The following DPP4 variants were observed in gnomAD, a reference collection of about 807,000 sequenced individuals.
The protein encoded by DPP4 is ADCP-2.
In DPP4, 93 loss-of-function variants were observed where a neutral mutation model predicts 122.4. The observed-to-expected ratio is 0.76, with a 90% CI of 0.64 to 0.90. DPP4 has a LOEUF of 0.90. Among genes scored for constraint, DPP4 ranks in the 40% least tolerant of loss-of-function variants. The pLI is 0.00. For missense variants in DPP4, 914 were observed against 907.3 expected (o/e 1.01, Z -0.09); for synonymous variants, 321 against 302.9 (o/e 1.06, Z -0.62).
chr2:162,001,254 GATGACTTGCC>G (rs1289556197), intron 23 of DPP4, among the ~76,000 whole-genome samples: 1 of 152,192 alleles, frequency 6.6e-6, no homozygotes, highest in East Asian at 1.9e-4. Flanking sequence ...AGCTTAGAAT[GATGACTTGCC>G]ATAGAAGCAC....
intron 23 of DPP4, among the ~76,000 whole-genome samples, chr2:162,004,674 G>A (rs1477794794): frequency 1.3e-5 from 2 of 152,142 alleles, no homozygotes; most frequent in Admixed American, 1.3e-4. Context: ...GTCTATACTT[G>A]TCTTGCAAAA....
At chr2:162,027,580 T>C (rs1363222137) in intron 10 of DPP4, among the ~76,000 whole-genome samples, 3 of 152,100 alleles carry the variant, frequency 2.0e-5, no homozygotes, top group African/African-American at 7.2e-5. Flanking sequence ...TCCATGGGCA[T>C]AGATTAGGAA....
chr2:162,032,882 A>C (rs1683606849), intron 10 of DPP4, among the ~76,000 whole-genome samples: 1 of 152,286 alleles, frequency 6.6e-6, no homozygotes, highest in African/African-American at 2.4e-5. Context: ...CAGGAAGTGA[A>C]GTCTTGGAGC....
rs201721083 is a variant in DPP4, at chr2:162,022,715, G to A, written c.1068+40C>T. On this transcript the variant is annotated intron_variant, in intron 12 of 25. Coordinates refer to ENST00000360534, the MANE Select transcript of DPP4 (RefSeq NM_001935.4). ...TAGCTGCATATCAAATAGCTGAGTA[G>A]CTGACTCATCCATAAAACCCCACAA... 3.7e-5 allele frequency: 60 copies of A among 1,600,138 alleles called. No homozygotes were observed. The African/African-American group carries it at 7.2e-4, about 19-fold the overall frequency.
intron 18 of DPP4, among the ~76,000 whole-genome samples, chr2:162,016,229 T>G (rs1354113990): frequency 1.3e-5 from 2 of 152,278 alleles, no homozygotes; most frequent in Non-Finnish European, 2.9e-5. Context: ...AATAACAAGA[T>G]TTTCTACTCA....
At chr2:162,011,605 A>G (rs976951354) in intron 20 of DPP4, among the ~76,000 whole-genome samples, 188 bp downstream of exon 20, 3 of 152,060 alleles carry the variant, frequency 2.0e-5, no homozygotes, top group Non-Finnish European at 4.4e-5. Context: ...TTTGAACTTC[A>G]TATCAATCTA....
At chr2:162,048,652 C>T (rs1330262853) in intron 2 of DPP4, among the ~76,000 whole-genome samples, 1 of 152,178 alleles carries the variant, frequency 6.6e-6, no homozygotes, top group Admixed American at 6.5e-5. Flanking sequence ...GCAGTGTCTT[C>T]CCTGCTTTCC....
intron 5 of DPP4, among the ~76,000 whole-genome samples, chr2:162,045,194 A>AAAG (rs921473217): frequency 5.0e-4 from 76 of 152,136 alleles, no homozygotes; most frequent in African/African-American, 1.8e-3. Context: ...CAAAGGAAAT[A>AAAG]AAGGGTTCTG....
chr2:162,006,174 TG>T (rs1055768427), intron 22 of DPP4, among the ~76,000 whole-genome samples: 2 of 152,180 alleles, frequency 1.3e-5, no homozygotes, highest in African/African-American at 4.8e-5. Context: ...AAGTCAAATG[TG>T]AAGTGCTAAG....
intron 2 of DPP4, among the ~76,000 whole-genome samples, chr2:162,071,393 C>T (rs1377432946): frequency 1.3e-5 from 2 of 152,120 alleles, no homozygotes; most frequent in East Asian, 3.9e-4. Flanking sequence ...CCTTTCATTC[C>T]AGCACTTTGG....
intron 14 of DPP4, 148 bp from the exon 15 acceptor site, chr2:162,019,424 C>T: frequency 2.0e-6 from 1 of 494,244 alleles, no homozygotes; most frequent in Non-Finnish European, 3.6e-6. Context: ...GTGTCCCTCA[C>T]CCCCGAGAAG....
chr2:162,023,165 GC>G (rs2106105433), intron 11 of DPP4, among the ~76,000 whole-genome samples: 1 of 152,034 alleles, frequency 6.6e-6, no homozygotes. Context: ...CTAGATTCCT[GC>G]CCTCCTCATA....
At position 162,033,213 on chromosome 2, in the gene DPP4, A is replaced by G. The variant is rs537355839; in HGVS notation, c.887+328T>C. Among the ~76,000 whole-genome samples the G allele has an allele frequency of 9.2e-5, 14 of 152,284 alleles. No individual in the cohort carries two copies. The East Asian group carries it at 2.7e-3, about 29-fold the overall frequency. ...CGGCCCCATCCATTTTGCTCTGCTC[A>G]GGTTTTCTTCACCACATTTATTGCT... On this transcript the variant is annotated intron_variant, in intron 10 of 25. Transcript: ENST00000360534.
chr2:162,054,792 T>A (rs2106145151), intron 2 of DPP4, among the ~76,000 whole-genome samples: 1 of 152,332 alleles, frequency 6.6e-6, no homozygotes, highest in Middle Eastern at 3.4e-3. Flanking sequence ...TCTGTGGTAT[T>A]TTGTTACAGC....
At chr2:162,008,505 A>T (rs1701339675) in intron 22 of DPP4, 57 bp downstream of exon 22, 1 of 1,403,162 alleles carries the variant, frequency 7.1e-7, no homozygotes, top group Non-Finnish European at 1.0e-6. Flanking sequence ...TGGCTTTGTT[A>T]CTGGCATTTT....
chr2:162,072,961 G>C (rs909020646), intron 2 of DPP4, among the ~76,000 whole-genome samples: 2 of 151,924 alleles, frequency 1.3e-5, no homozygotes, highest in Non-Finnish European at 2.9e-5. Flanking sequence ...TGTATTTTGG[G>C]GCTTGCTTTC....
chr2:161,995,197 T>C (rs773698885), intron 24 of DPP4, 103 bp downstream of exon 24: 68 of 1,337,998 alleles, frequency 5.1e-5, no homozygotes, highest in Middle Eastern at 3.6e-4. Flanking sequence ...CACTGTTTTA[T>C]TGAAGTAAAT....
intron 23 of DPP4, among the ~76,000 whole-genome samples, chr2:162,004,984 A>C (rs764122578): frequency 6.6e-6 from 1 of 152,220 alleles, no homozygotes; most frequent in Non-Finnish European, 1.5e-5. Context: ...CTAACATGAC[A>C]AACAGAATCA....
intron 5 of DPP4, among the ~76,000 whole-genome samples, chr2:162,044,919 A>G (rs1684121170): frequency 6.6e-6 from 1 of 150,880 alleles, no homozygotes; most frequent in East Asian, 1.9e-4. Flanking sequence ...TCTTTTCTGG[A>G]GGATGGAAAG....
Sources: allele counts gnomAD v4.1 joint callset (sites outside exome capture counted in the v4.1 genomes callset), GRCh38; gene constraint gnomAD v4.1.1; transcripts MANE v1.5; gene names NCBI Gene and HGNC (gene_info 2026-07-23, HGNC 2026-07-21).